ZNF366: variants seen among roughly 807,000 people sequenced by gnomAD.
ZNF366 encodes the protein zinc finger protein 366, also known as dendritic cell-specific transcript protein.
In ZNF366, 20 loss-of-function variants were observed where a neutral mutation model predicts 47.2. The observed-to-expected ratio is 0.42, with a 90% confidence interval of 0.30 to 0.62. ZNF366 has a LOEUF of 0.62. ZNF366 is among the 20% of genes least tolerant of loss of function. The pLI, the probability that ZNF366 is intolerant of heterozygous loss-of-function variation, is 0.16. For missense variants in ZNF366, 987 were observed against 976.3 expected, an observed-to-expected ratio of 1.01 and a Z score of -0.15; for synonymous variants, 421 against 395.1, an observed-to-expected ratio of 1.07 and a Z score of -0.78.
In ZNF366 at chr5:72,460,331, C is replaced by A. The variant is rs770005741; in HGVS notation, c.1166G>T (p.Gly389Val). 20 of 1,614,204 alleles carry A rather than the reference C, an allele frequency of 1.2e-5. No individual in the cohort carries two copies. Among genetic ancestry groups the A allele is most frequent in the Non-Finnish European group, 1.5e-5 (18 of 1,180,036 alleles). Residue 389 changes from glycine to valine, a missense_variant, in exon 2 of 5, where the codon GGC becomes GTC. Coordinates refer to ENST00000318442, the MANE Select transcript of ZNF366 (RefSeq NM_152625.3). The stretch of plus-strand genomic sequence containing the variant: ...CTCGGAGCAGTTGTACTGGATGGGG[C>A]CCCGGTGCGTGGTGAGGTGTCTCTT... ...QLKRHLTTHR[G>V]PIQYNCSECD...
At chr5:72,483,221 C>T (rs184756722) in intron 1 of ZNF366, among the ~76,000 whole-genome samples, 92 of 152,252 alleles carry the variant, frequency 6.0e-4, no homozygotes, top group African/African-American at 2.1e-3. Context: ...CCATTCAGCC[C>T]CTCACAATGT....
chr5:72,477,278 T>C (rs1331279143), intron 1 of ZNF366, among the ~76,000 whole-genome samples: 1 of 152,248 alleles, frequency 6.6e-6, no homozygotes, highest in African/African-American at 2.4e-5. Context: ...CAATTCCTTC[T>C]TTCCCAGAGA....
intron 1 of ZNF366, among the ~76,000 whole-genome samples, chr5:72,478,880 C>T (rs1472926466): frequency 6.6e-6 from 1 of 152,208 alleles, no homozygotes; most frequent in Admixed American, 6.5e-5. Context: ...GAAATCAGTC[C>T]AAAGCCCAGG....
At position 72,445,282 on chromosome 5, in the gene ZNF366, G is replaced by A. The variant is rs1367424387; in HGVS notation, c.1700-991C>T. Among the ~76,000 whole-genome samples, 3 of 152,278 alleles carry A rather than the reference G, an allele frequency of 2.0e-5. No individual in the cohort carries two copies. In the East Asian group the frequency reaches 5.8e-4, roughly 29 times the overall value. ...TGACCTTTGATGAGCCAATAGTCAGGCCTCCAGGGATGGGCGGGACACTGA... is the reference window on the plus strand; with the variant it reads ...TGACCTTTGATGAGCCAATAGTCAGACCTCCAGGGATGGGCGGGACACTGA... On this transcript the variant is annotated intron_variant, in intron 4 of 4. Transcript: ENST00000318442.
At chr5:72,452,796 C>T (rs1299348194) in intron 3 of ZNF366, among the ~76,000 whole-genome samples, 2 of 152,172 alleles carry the variant, frequency 1.3e-5, no homozygotes, top group Non-Finnish European at 2.9e-5. Flanking sequence ...ACAGGTTTCC[C>T]GAAGACGGCA....
intron 1 of ZNF366, among the ~76,000 whole-genome samples, chr5:72,487,537 C>T (rs1012373524): frequency 2.6e-5 from 4 of 152,178 alleles, no homozygotes; most frequent in African/African-American, 9.7e-5. Flanking sequence ...CAGTCCTTCT[C>T]CCCTCCTCTC....
chr5:72,487,097 T>C (rs1158258221), intron 1 of ZNF366, among the ~76,000 whole-genome samples: 1 of 152,208 alleles, frequency 6.6e-6, no homozygotes, highest in Non-Finnish European at 1.5e-5. Context: ...TTTTAAGTGA[T>C]CAACAATTAG....
chr5:72,494,683 T>C (rs1341638410), intron 1 of ZNF366, among the ~76,000 whole-genome samples: 1 of 151,098 alleles, frequency 6.6e-6, no homozygotes, highest in Non-Finnish European at 1.5e-5. Context: ...GATTCACAGA[T>C]AATTGTCTGG....
chr5:72,491,443 T>C (rs1276118260), intron 1 of ZNF366, among the ~76,000 whole-genome samples: 1 of 152,210 alleles, frequency 6.6e-6, no homozygotes, highest in African/African-American at 2.4e-5. Flanking sequence ...TATTAATATA[T>C]CACAGATACA....
chr5:72,477,839 C>T (rs997218272), intron 1 of ZNF366, among the ~76,000 whole-genome samples: 11 of 151,970 alleles, frequency 7.2e-5, no homozygotes, highest in South Asian at 4.2e-4. Flanking sequence ...CATAAACAAA[C>T]GGAAGTGGCT....
chr5:72,498,405 G>C (rs943973235), intron 1 of ZNF366, among the ~76,000 whole-genome samples: 9 of 152,030 alleles, frequency 5.9e-5, no homozygotes, highest in African/African-American at 2.2e-4. Context: ...TTAGTTCACT[G>C]ATCTGCCATC....
At chr5:72,446,606 G>A (rs1042983278) in intron 4 of ZNF366, among the ~76,000 whole-genome samples, 4 of 152,188 alleles carry the variant, frequency 2.6e-5, no homozygotes, top group Non-Finnish European at 5.9e-5. Flanking sequence ...TGGGGGAGGT[G>A]TAAACCCCTG....
At chr5:72,505,198 C>T (rs12332150) in intron 1 of ZNF366, among the ~76,000 whole-genome samples, 24,224 of 152,174 alleles carry the variant, frequency 0.16, 2,383 homozygotes, top group East Asian at 0.38. Flanking sequence ...TGATGACCCC[C>T]AAATAATCAC....
In ZNF366 at chr5:72,440,915, T is replaced by G. The variant is rs1311018033; in HGVS notation, c.*2841A>C. On this transcript the variant is annotated 3_prime_UTR_variant, in exon 5 of 5. Coordinates refer to ENST00000318442, the MANE Select transcript of ZNF366 (RefSeq NM_152625.3). ...AAAACAGGCCCTGGAATACACTCCATAACAAATTGTTTTTATTTCTCCTAG... is the reference window on the plus strand; with the variant it reads ...AAAACAGGCCCTGGAATACACTCCAGAACAAATTGTTTTTATTTCTCCTAG... 1 of 152,206 alleles carries G rather than the reference T, an allele frequency of 6.6e-6. No homozygotes were observed. Among genetic ancestry groups the G allele is most frequent in the African/African-American group, 2.4e-5 (1 of 41,446 alleles). 9.4% of individuals were successfully genotyped at this position (152,206 alleles called of 1,614,324 possible).
At chr5:72,489,231 A>C (rs1397156118) in intron 1 of ZNF366, among the ~76,000 whole-genome samples, 2 of 152,224 alleles carry the variant, frequency 1.3e-5, no homozygotes, top group African/African-American at 4.8e-5. Flanking sequence ...TAAGAAAAAA[A>C]AAAAGAAATA....
chr5:72,496,466 A>G (rs547970006), intron 1 of ZNF366, among the ~76,000 whole-genome samples: 2 of 152,314 alleles, frequency 1.3e-5, no homozygotes, highest in African/African-American at 4.8e-5. Flanking sequence ...TTCATATGTC[A>G]ATAGTTCCTT....
chr5:72,462,946 T>A (rs1000173744), intron 1 of ZNF366, among the ~76,000 whole-genome samples: 2 of 152,262 alleles, frequency 1.3e-5, no homozygotes, highest in African/African-American at 4.8e-5. Flanking sequence ...CCAAGTCCTC[T>A]GAGTTTGAGT....
At chr5:72,476,707 G>A (rs912592139) in intron 1 of ZNF366, among the ~76,000 whole-genome samples, 1 of 152,158 alleles carries the variant, frequency 6.6e-6, no homozygotes, top group Non-Finnish European at 1.5e-5. Flanking sequence ...GGCAGCAGTG[G>A]GGAGTGCTCA....
At chr5:72,450,450 C>T (rs1261362995) in intron 3 of ZNF366, among the ~76,000 whole-genome samples, 1 of 152,192 alleles carries the variant, frequency 6.6e-6, no homozygotes, top group African/African-American at 2.4e-5. Context: ...AACTCAGTAT[C>T]AAGCACAGGA....
Sources: gnomAD v4.1 joint callset for allele counts (sites outside exome capture counted in the v4.1 genomes callset) on GRCh38, gnomAD v4.1.1 for gene constraint, MANE v1.5 for transcripts, NCBI Gene and HGNC (gene_info 2026-07-23, HGNC 2026-07-21) for gene names.